Variants in CLUAP1 observed in about 807,000 individuals in gnomAD.
CLUAP1 encodes the protein intraflagellar transport 38, also known as clusterin-associated protein 1.
Under a neutral mutation model 55.0 loss-of-function variants are expected in CLUAP1, and 50 were observed. The observed-to-expected ratio is 0.91, with a 90% CI of 0.72 to 1.15. The LOEUF is 1.15. Among genes scored for constraint, CLUAP1 ranks in the 50% most tolerant of loss-of-function variants. The pLI is 0.00. For synonymous variants in CLUAP1, 195 were observed against 175.4 expected (o/e 1.11, Z -0.88); for missense variants, 530 against 507.6 (o/e 1.04, Z -0.42).
intron 9 of CLUAP1, among the ~76,000 whole-genome samples, chr16:3,527,783 C>T (rs956383260): frequency 3.3e-5 from 5 of 152,112 alleles, no homozygotes; most frequent in African/African-American, 4.8e-5. Context: ...GAAATAATGG[C>T]GTAAGCTGTC....
intron 1 of CLUAP1, among the ~76,000 whole-genome samples, chr16:3,501,799 A>AAAC (rs374915227): frequency 0.015 from 2,276 of 152,038 alleles, 28 homozygotes; most frequent in East Asian, 0.04. Flanking sequence ...CAAAAAAAAA[A>AAAC]CAACCAGCAA....
At chr16:3,527,985 G>A (rs1053754779) in intron 9 of CLUAP1, among the ~76,000 whole-genome samples, 1 of 152,136 alleles carries the variant, frequency 6.6e-6, no homozygotes, top group African/African-American at 2.4e-5. Flanking sequence ...CCACGTCTTC[G>A]TGGTAGTGGT....
At chr16:3,533,830 C>G (rs994435633) in intron 11 of CLUAP1, 2 of 152,384 alleles carry the variant, frequency 1.3e-5, no homozygotes, top group African/African-American at 4.8e-5. Context: ...TACAGCGTCT[C>G]TCCGTCTTGC....
Position 3,526,459 on chromosome 16 carries a change from A to T in CLUAP1, c.903A>T (p.Glu301Asp), listed in dbSNP as rs1291385814. 1 of 1,609,066 alleles carries T rather than the reference A, an allele frequency of 6.2e-7. No individual in the cohort carries two copies. The highest frequency in any genetic ancestry group is 8.5e-7 in the Non-Finnish European group (1 of 1,178,688). ...TGATACAGAACAAGCTCAAGGAGGA[A>T]GAGAAGCGCCTGCTCAAGAGTGGAA... The part of the protein sequence containing the change: ...LCLIQNKLKE[E>D]EKRLLKSGSN... The change falls in exon 9 of 12, where the codon GAA becomes GAT. Residue 301 changes from glutamate (E) to aspartate (D), a missense_variant. Transcript: ENST00000576634.
chr16:3,531,597 G>A (rs1206392547), intron 10 of CLUAP1, among the ~76,000 whole-genome samples: 1 of 152,124 alleles, frequency 6.6e-6, no homozygotes. Context: ...TTCTCTCCTG[G>A]GGTCTTCCTC....
At chr16:3,530,435 A>G in intron 9 of CLUAP1, 133 bp from the exon 10 acceptor site, 2 of 681,598 alleles carry the variant, frequency 2.9e-6, no homozygotes, top group South Asian at 3.3e-5. Context: ...TGGGATAAGG[A>G]TTTAATGTCT....
At chr16:3,524,152 A>C (rs1476217791) in intron 8 of CLUAP1, among the ~76,000 whole-genome samples, 1 of 151,920 alleles carries the variant, frequency 6.6e-6, no homozygotes, top group Non-Finnish European at 1.5e-5. Context: ...GTAAAAATAA[A>C]TTAGCTGGAC....
At chr16:3,509,291 A>C (rs1050703110) in intron 4 of CLUAP1, among the ~76,000 whole-genome samples, 1 of 152,148 alleles carries the variant, frequency 6.6e-6, no homozygotes, top group Admixed American at 6.5e-5. Flanking sequence ...GAGGAAAAGC[A>C]AGGAGGCCGT....
intron 6 of CLUAP1, 126 bp from the exon 7 acceptor site, chr16:3,519,777 C>T (rs2037798017): frequency 1.1e-6 from 1 of 881,330 alleles, no homozygotes. Flanking sequence ...GGGGAAGTGT[C>T]TATTTGTTTG....
chr16:3,509,155 G>A (rs549647004), intron 4 of CLUAP1, among the ~76,000 whole-genome samples: 108 of 152,288 alleles, frequency 7.1e-4, no homozygotes, highest in African/African-American at 2.5e-3. Context: ...AGCTGCCCAG[G>A]AGGCTGAGGT....
intron 7 of CLUAP1, among the ~76,000 whole-genome samples, chr16:3,522,806 G>C (rs2037864994): frequency 6.6e-6 from 1 of 151,232 alleles, no homozygotes; most frequent in African/African-American, 2.5e-5. Context: ...TTTTTTAAAT[G>C]CATTCCTATC....
chr16:3,496,435 C>T (rs2151033815), upstream of CLUAP1: 2 of 885,366 alleles, frequency 2.3e-6, no homozygotes, highest in Non-Finnish European at 3.5e-6. Context: ...GCTGGGAAAA[C>T]AAAACGGCCG....
chr16:3,530,311 T>A (rs2038088985), intron 9 of CLUAP1, among the ~76,000 whole-genome samples: 1 of 152,194 alleles, frequency 6.6e-6, no homozygotes, highest in African/African-American at 2.4e-5. Context: ...TTAGTTTACC[T>A]GCTCACTTCT....
chr16:3,529,475 T>TTA lies in CLUAP1; in HGVS notation c.929-1087_929-1086dup, dbSNP rs1567439319. ...ATTATTATATATAATATATATTATA[T>TTA]TATATATTATATAATTATATTATAT... On this transcript the variant is annotated intron_variant, in intron 9 of 11. Coordinates refer to ENST00000576634, the MANE Select transcript of CLUAP1 (RefSeq NM_015041.3). 1.5e-3 allele frequency among the ~76,000 whole-genome samples: 118 copies of TTA among 79,838 alleles called. 1 individual carries two copies. The highest frequency in any genetic ancestry group is 2.6e-3 in the Admixed American group (12 of 4,704). The allele number at this position is 79,838 out of a possible 152,430, so 52.4% of individuals were successfully genotyped here.
chr16:3,534,593 T>G (rs778257226), intron 11 of CLUAP1: 1 of 152,732 alleles, frequency 6.5e-6, no homozygotes, highest in Non-Finnish European at 1.5e-5. Flanking sequence ...GTGACGGTGC[T>G]TGGCCGAAGG....
chr16:3,515,490 G>A lies in CLUAP1; in HGVS notation c.496-18G>A. ...TCCTTTTCTGAAAATATACGTAAATGATTTTACTGTTTCCTAGGAAATGAG... is the reference window on the plus strand; with the variant it reads ...TCCTTTTCTGAAAATATACGTAAATAATTTTACTGTTTCCTAGGAAATGAG... On this transcript the variant is annotated intron_variant, in intron 5 of 11. Transcript: ENST00000576634. 6.4e-7 allele frequency: 1 copy of A among 1,553,704 alleles called. No individual in the cohort carries two copies. Among genetic ancestry groups the A allele is most frequent in the South Asian group, 1.2e-5 (1 of 85,236 alleles).
chr16:3,510,378 G>C (rs1016127218), intron 4 of CLUAP1, among the ~76,000 whole-genome samples: 1 of 151,550 alleles, frequency 6.6e-6, no homozygotes, highest in African/African-American at 2.4e-5. Context: ...CAGGTGATCT[G>C]CCTGCCTCGG....
At chr16:3,510,536 T>C (rs2037603953) in intron 4 of CLUAP1, among the ~76,000 whole-genome samples, 1 of 152,006 alleles carries the variant, frequency 6.6e-6, no homozygotes, top group African/African-American at 2.4e-5. Flanking sequence ...GAGGCATGGG[T>C]TGAGAGTAAG....
At chr16:3,509,461 C>T (rs1341159231) in intron 4 of CLUAP1, among the ~76,000 whole-genome samples, 6 of 152,180 alleles carry the variant, frequency 3.9e-5, no homozygotes, top group Non-Finnish European at 7.3e-5. Context: ...GCCATCAGAC[C>T]GAAGCAGGCG....
Sources: gnomAD v4.1 joint callset for allele counts (sites outside exome capture counted in the v4.1 genomes callset) on GRCh38, gnomAD v4.1.1 for gene constraint, MANE v1.5 for transcripts, NCBI Gene and HGNC (gene_info 2026-07-23, HGNC 2026-07-21) for gene names.